Variants in GPRC5A observed in about 807,000 individuals in gnomAD.
GPRC5A encodes the protein retinoic acid-induced protein 3.
Under a neutral mutation model 22.5 loss-of-function variants are expected in GPRC5A, and 19 were observed. The ratio of observed to expected loss-of-function variants is 0.85; its 90% CI spans 0.59 to 1.24. The LOEUF (loss-of-function observed/expected upper bound fraction) is 1.24. Among genes scored for constraint, GPRC5A ranks in the 50% most tolerant of loss-of-function variants. The probability of loss-of-function intolerance (pLI) is 0.00; values close to 1 mark genes in which losing one functional copy is unlikely to be tolerated. For missense variants in GPRC5A, 471 were observed against 451.1 expected (o/e 1.04, Z -0.40); for synonymous variants, 192 against 184.5 (o/e 1.04, Z -0.33).
At chr12:12,912,175 G>T (rs746783376) in intron 3 of GPRC5A, 33 bp downstream of exon 3, 13 of 1,433,250 alleles carry the variant, frequency 9.1e-6, no homozygotes, top group Admixed American at 3.3e-5. Flanking sequence ...TTCATCAAAG[G>T]CATTAGCACC....
chr12:12,915,045 GGGTCTAGCTCTAT>G lies in GPRC5A; in HGVS notation c.*2509_*2521del. The G allele has an allele frequency of 7.7e-6, 1 of 129,604 alleles. No individual in the cohort carries two copies. Among genetic ancestry groups the G allele is most frequent in the East Asian group, 2.5e-4 (1 of 4,042 alleles). The allele number at this position is 129,604 out of a possible 1,614,324, so 8.0% of individuals were successfully genotyped here. A position where few individuals can be genotyped will look rare whatever the true frequency, so the allele number is the denominator to read the frequency against. On this transcript the variant is annotated 3_prime_UTR_variant, in exon 4 of 4. Transcript: ENST00000014914. ...TTTTTTTTTTTTTTTTTTTGAGACA[GGGTCTAGCTCTAT>G]GGCCCAGGCTGGAGTGCAGTGGCAC...
chr12:12,896,142 T>TC (rs1278124844), intron 1 of GPRC5A, among the ~76,000 whole-genome samples: 4 of 152,316 alleles, frequency 2.6e-5, no homozygotes, highest in Admixed American at 2.6e-4. Context: ...AAAGATGATT[T>TC]CCAGTATTTC....
Position 12,917,619 on chromosome 12 carries a change from T to A in GPRC5A, c.*5080T>A, listed in dbSNP as rs1864079552. 6.6e-6 allele frequency: 1 copy of A among 152,282 alleles called. No individual in the cohort carries two copies. Among genetic ancestry groups the A allele is most frequent in the Admixed American group, 6.5e-5 (1 of 15,274 alleles). The allele number at this position is 152,282 out of a possible 1,614,324, so 9.4% of individuals were successfully genotyped here. A position where few individuals can be genotyped will look rare whatever the true frequency, so the allele number is the denominator to read the frequency against. The stretch of plus-strand genomic sequence containing the variant: ...CCTTTTCTTCCCCTGATTTCTCCTC[T>A]GGTCATCTCCTCTCCCTTCTGCGTG... On this transcript the variant is annotated 3_prime_UTR_variant, in exon 4 of 4. Transcript: ENST00000014914.
intron 2 of GPRC5A, among the ~76,000 whole-genome samples, chr12:12,911,186 A>C (rs1387821358): frequency 6.6e-6 from 1 of 152,010 alleles, no homozygotes; most frequent in Non-Finnish European, 1.5e-5. Context: ...CTCTTAAATA[A>C]AGGCGTTTAA....
At chr12:12,901,224 A>G (rs1251412376) in intron 1 of GPRC5A, among the ~76,000 whole-genome samples, 1 of 152,180 alleles carries the variant, frequency 6.6e-6, no homozygotes, top group African/African-American at 2.4e-5. Context: ...TGGGTGGAGC[A>G]CATGACTGGA....
At chr12:12,912,211 A>C in intron 3 of GPRC5A, 69 bp downstream of exon 3, 1 of 1,154,004 alleles carries the variant, frequency 8.7e-7, no homozygotes, top group Admixed American at 1.7e-5. Context: ...CTTTGGAAAC[A>C]GACGATGTTA....
chr12:12,894,268 A>G (rs1034341254), intron 1 of GPRC5A, among the ~76,000 whole-genome samples: 6 of 152,206 alleles, frequency 3.9e-5, no homozygotes, highest in Non-Finnish European at 7.3e-5. Flanking sequence ...GAATATTTCT[A>G]TTTAAGTATC....
At chr12:12,893,806 C>T (rs989247550) in intron 1 of GPRC5A, among the ~76,000 whole-genome samples, 3 of 152,024 alleles carry the variant, frequency 2.0e-5, no homozygotes, top group African/African-American at 2.4e-5. Flanking sequence ...CAGGCTGGAG[C>T]GCAGTGACGT....
At chr12:12,900,938 C>T (rs1200217746) in intron 1 of GPRC5A, among the ~76,000 whole-genome samples, 1 of 130,184 alleles carries the variant, frequency 7.7e-6, no homozygotes, top group Non-Finnish European at 1.7e-5. Flanking sequence ...CCCAGAAAAA[C>T]CCAAAAAACA....
At position 12,914,556 on chromosome 12, in the gene GPRC5A, CTTTCTTTCTTTCT is replaced by C. The variant is rs1864039726; in HGVS notation, c.*2020_*2032del. ...TCCTTCCTTCCTTCCTTTCTTCTTT[CTTTCTTTCTTTCT>C]TTCTTTCTTTCTTTCTTTCTTTCTT... On this transcript the variant is annotated 3_prime_UTR_variant, in exon 4 of 4. Coordinates refer to ENST00000014914, the MANE Select transcript of GPRC5A (RefSeq NM_003979.4). 2 of 55,410 alleles carry C rather than the reference CTTTCTTTCTTTCT, an allele frequency of 3.6e-5. No individual in the cohort carries two copies. The highest frequency in any genetic ancestry group is 2.4e-4 in the African/African-American group (2 of 8,210). 3.4% of individuals were successfully genotyped at this position (55,410 alleles called of 1,614,324 possible). A position where few individuals can be genotyped will look rare whatever the true frequency, so the allele number is the denominator to read the frequency against.
intron 1 of GPRC5A, among the ~76,000 whole-genome samples, chr12:12,895,168 C>G (rs148405079): frequency 0.017 from 2,613 of 152,216 alleles, 58 homozygotes; most frequent in African/African-American, 0.054. Flanking sequence ...TTGATTACAA[C>G]TTTGTATGAT....
At chr12:12,907,787 A>G (rs1275553878) in intron 1 of GPRC5A, among the ~76,000 whole-genome samples, 1 of 152,160 alleles carries the variant, frequency 6.6e-6, no homozygotes, top group Non-Finnish European at 1.5e-5. Context: ...GCGTGCCACC[A>G]TGCCCAGCTA....
At chr12:12,902,772 A>G (rs1863902564) in intron 1 of GPRC5A, among the ~76,000 whole-genome samples, 1 of 152,044 alleles carries the variant, frequency 6.6e-6, no homozygotes, top group South Asian at 2.1e-4. Flanking sequence ...ATCTATCTCA[A>G]AAAGAAAAAA....
rs1555105848 is a variant in GPRC5A, at chr12:12,914,596, C to CTTTCTTTCTTTCTG, written c.*2058_*2059insTTCTTTCTTTCTGT. Reference sequence around the variant, plus strand: ...TCTTTCTTTCTTTCTTTCTTTCTTTCTCTCTCTCTCTCTCTCTCTCTTTCT... The same window carrying CTTTCTTTCTTTCTG: ...TCTTTCTTTCTTTCTTTCTTTCTTTCTTTCTTTCTTTCTGTCTCTCTCTCTCTCTCTCTCTTTCT... On this transcript the variant is annotated 3_prime_UTR_variant, in exon 4 of 4. Transcript: ENST00000014914. 1 of 101,062 alleles carries CTTTCTTTCTTTCTG rather than the reference C, an allele frequency of 9.9e-6. No individual in the cohort carries two copies. The highest frequency in any genetic ancestry group is 2.0e-5 in the Non-Finnish European group (1 of 49,560). 6.3% of individuals were successfully genotyped at this position (101,062 alleles called of 1,614,324 possible).
chr12:12,915,654 G>T lies in GPRC5A; in HGVS notation c.*3115G>T. ...TCCTCCTCCTCCTCCACCATGCCCG[G>T]CTGATTTTTGTATTTTTAGTAGAGA... is the stretch of plus-strand genomic sequence containing the variant. On this transcript the variant is annotated 3_prime_UTR_variant, in exon 4 of 4. Transcript: ENST00000014914. The T allele has an allele frequency of 5.3e-6, 1 of 189,474 alleles. No individual in the cohort carries two copies. Among genetic ancestry groups the T allele is most frequent in the Non-Finnish European group, 1.2e-5 (1 of 86,408 alleles). The allele number at this position is 189,474 out of a possible 1,614,324, so 11.7% of individuals were successfully genotyped here. A position where few individuals can be genotyped will look rare whatever the true frequency, so the allele number is the denominator to read the frequency against.
rs541836014 is a variant in GPRC5A at position 12,915,739 on chromosome 12, C to T, written c.*3200C>T. Reference sequence around the variant, plus strand: ...ACTCCAAACCTCGTGATCCACCTACCTTGGCCTCTGAAAGTGCTGGGATAC... The same window carrying T: ...ACTCCAAACCTCGTGATCCACCTACTTTGGCCTCTGAAAGTGCTGGGATAC... On this transcript the variant is annotated 3_prime_UTR_variant, in exon 4 of 4. Transcript: ENST00000014914. 45 of 379,096 alleles carry T rather than the reference C, an allele frequency of 1.2e-4. No homozygotes were observed. The highest frequency in any genetic ancestry group is 6.1e-4 in the Admixed American group (20 of 32,732). 23.5% of individuals were successfully genotyped at this position (379,096 alleles called of 1,614,324 possible).
At chr12:12,899,588 A>C (rs894811602) in intron 1 of GPRC5A, among the ~76,000 whole-genome samples, 1 of 152,218 alleles carries the variant, frequency 6.6e-6, no homozygotes, top group African/African-American at 2.4e-5. Flanking sequence ...GGAATGTTAA[A>C]TGAGGTAATG....
In GPRC5A at chr12:12,909,071, C is replaced by A; in HGVS notation, c.822C>A (p.Pro274=). The change falls in exon 2 of 4, where the codon CCC becomes CCA. Residue 274 remains proline, a synonymous_variant. Transcript: ENST00000014914. The part of the protein sequence containing the change: ...EFWLLTKQRN[P]MDYPVEDAFC... ...GGCTGCTCACAAAGCAACGAAACCCCATGGATTATCCTGTTGAGGATGCTT... is the reference window on the plus strand; with the variant it reads ...GGCTGCTCACAAAGCAACGAAACCCAATGGATTATCCTGTTGAGGATGCTT... The A allele has an allele frequency of 6.2e-7, 1 of 1,607,456 alleles. No individual in the cohort carries two copies. Among genetic ancestry groups the A allele is most frequent in the South Asian group, 1.1e-5 (1 of 91,080 alleles).
At chr12:12,907,939 T>C (rs999287746) in intron 1 of GPRC5A, among the ~76,000 whole-genome samples, 1 of 152,224 alleles carries the variant, frequency 6.6e-6, no homozygotes, top group Non-Finnish European at 1.5e-5. Flanking sequence ...GTGAAGTTTT[T>C]TGAGATTAGG....
Sources: gnomAD v4.1 joint callset for allele counts (sites outside exome capture counted in the v4.1 genomes callset) on GRCh38, gnomAD v4.1.1 for gene constraint, MANE v1.5 for transcripts, NCBI Gene and HGNC (gene_info 2026-07-23, HGNC 2026-07-21) for gene names.